UTP4: variants seen among roughly 807,000 people sequenced by gnomAD.
The protein encoded by UTP4 is U3 small nucleolar RNA-associated protein 4 homolog.
A neutral mutation model predicts 82.4 loss-of-function variants in UTP4; 45 were observed. The ratio of observed to expected loss-of-function variants is 0.55; its 90% confidence interval spans 0.43 to 0.70. The LOEUF (loss-of-function observed/expected upper bound fraction) is 0.70. Among genes scored for constraint, UTP4 ranks in the 30% least tolerant of loss-of-function variants. The pLI, the probability that UTP4 is intolerant of heterozygous loss-of-function variation, is 0.00. For synonymous variants in UTP4, 348 were observed against 300.3 expected (o/e 1.16, Z -1.64); for missense variants, 819 against 858.3 (o/e 0.95, Z 0.57).
Position 69,154,475 on chromosome 16 carries a change from G to T in UTP4, c.1164+18G>T. On this transcript the variant is annotated intron_variant, in intron 10 of 16. Transcript: ENST00000314423. ...AGACAAAGGTAAGGAAGTTTGTTTA[G>T]GCTCTGAATTCTAGAGCCTGAATTC... is the stretch of plus-strand genomic sequence containing the variant. 6.3e-7 allele frequency: 1 copy of T among 1,585,290 alleles called. No individual in the cohort carries two copies. The highest frequency in any genetic ancestry group is 8.7e-7 in the Non-Finnish European group (1 of 1,154,026).
In UTP4 at chr16:69,163,131, A is replaced by G. The variant is rs193164904; in HGVS notation, c.1600A>G (p.Ile534Val). The change falls in exon 14 of 17, where the codon ATT becomes GTT. Residue 534 changes from isoleucine (I) to valine (V), a missense_variant. Ile to Val is a conservative substitution (Grantham distance 29, BLOSUM62 3). Coordinates refer to ENST00000314423, the MANE Select transcript of UTP4 (RefSeq NM_032830.3). Reference sequence around the variant, plus strand: ...CAATTTCCCAGTGACTGCTATGGCTATTGCCCCCAATACCAACAACCTTGT... The same window carrying G: ...CAATTTCCCAGTGACTGCTATGGCTGTTGCCCCCAATACCAACAACCTTGT... ...AYNFPVTAMA[I>V]APNTNNLVIA... The G allele has an allele frequency of 5.8e-5, 93 of 1,614,108 alleles. No homozygotes were observed. In the East Asian group the frequency reaches 6.7e-4, roughly 12 times the overall value.
chr16:69,157,362 A>T, intron 12 of UTP4, 122 bp downstream of exon 12: 1 of 964,446 alleles, frequency 1.0e-6, no homozygotes, highest in Non-Finnish European at 1.6e-6. Context: ...ACACTCACTC[A>T]CATGTTTGCT....
chr16:69,152,619 G>A (rs527919375), intron 8 of UTP4, among the ~76,000 whole-genome samples: 3 of 151,574 alleles, frequency 2.0e-5, no homozygotes, highest in East Asian at 3.9e-4. Context: ...ACAGGCACCC[G>A]CCACCACGCC....
At chr16:69,163,261 T>C in intron 14 of UTP4, 83 bp downstream of exon 14, 4 of 1,111,052 alleles carry the variant, frequency 3.6e-6, no homozygotes, top group Non-Finnish European at 5.5e-6. Context: ...TGCGGGGAGC[T>C]TTTTTTTGAA....
At chr16:69,150,021 C>T (rs1412401291) in intron 6 of UTP4, among the ~76,000 whole-genome samples, 1 of 152,130 alleles carries the variant, frequency 6.6e-6, no homozygotes, top group African/African-American at 2.4e-5. Flanking sequence ...AGCCACCATG[C>T]CTGGCTGATG....
Position 69,163,146 on chromosome 16 carries a change from A to G in UTP4, c.1615A>G (p.Asn539Asp), listed in dbSNP as rs1175056350. 6.2e-7 allele frequency: 1 copy of G among 1,613,994 alleles called. No homozygotes were observed. Among genetic ancestry groups the G allele is most frequent in the African/African-American group, 1.3e-5 (1 of 74,930 alleles). ...TGCTATGGCTATTGCCCCCAATACC[A>G]ACAACCTTGTCATCGCTCATTCGGA... is the stretch of plus-strand genomic sequence containing the variant. Reference protein sequence around the residue: ...VTAMAIAPNTNNLVIAHSDQQ... With the variant: ...VTAMAIAPNTDNLVIAHSDQQ... Residue 539 changes from asparagine to aspartate, a missense_variant, in exon 14 of 17, where the codon AAC becomes GAC. Coordinates refer to ENST00000314423, the MANE Select transcript of UTP4 (RefSeq NM_032830.3).
chr16:69,164,586 TTATATATATA>T (rs58927210), intron 14 of UTP4, among the ~76,000 whole-genome samples: 6,566 of 132,498 alleles, frequency 0.05, 203 homozygotes, highest in South Asian at 0.082. Flanking sequence ...TAATCATTCT[TTATATATATA>T]TATATATATA....
At chr16:69,163,879 A>AGT (rs1567382138) in intron 14 of UTP4, among the ~76,000 whole-genome samples, 1 of 134,520 alleles carries the variant, frequency 7.4e-6, no homozygotes, top group African/African-American at 3.0e-5. Context: ...TTTGATGGTC[A>AGT]GTTTGTTTTT....
At chr16:69,137,101 C>T (rs900717298) in intron 3 of UTP4, among the ~76,000 whole-genome samples, 4 of 152,224 alleles carry the variant, frequency 2.6e-5, no homozygotes, top group Admixed American at 6.5e-5. Flanking sequence ...GAGAGGATTA[C>T]ATCAGTTCAA....
chr16:69,134,825 G>C (rs1220142756), intron 2 of UTP4, among the ~76,000 whole-genome samples: 1 of 150,814 alleles, frequency 6.6e-6, no homozygotes, highest in Non-Finnish European at 1.5e-5. Context: ...AAGTCGCTGG[G>C]ATTACAGGTG....
At chr16:69,159,485 C>G (rs1412588845) in intron 12 of UTP4, among the ~76,000 whole-genome samples, 2 of 152,010 alleles carry the variant, frequency 1.3e-5, no homozygotes, top group Non-Finnish European at 2.9e-5. Context: ...GTCAAGAGAT[C>G]GAGACCATGC....
At chr16:69,159,697 AAAG>A (rs1597150539) in intron 12 of UTP4, among the ~76,000 whole-genome samples, 5 of 151,832 alleles carry the variant, frequency 3.3e-5, no homozygotes, top group Admixed American at 3.3e-4. Flanking sequence ...AAAAAAGAAA[AAAG>A]AAAGAGGCCA....
chr16:69,153,815 C>A (rs1388986462), intron 9 of UTP4, 135 bp downstream of exon 9: 1 of 712,460 alleles, frequency 1.4e-6, no homozygotes, highest in East Asian at 2.7e-5. Context: ...TTTTCCCACC[C>A]ATTAGATAAA....
At chr16:69,157,352 ACACT>A in intron 12 of UTP4, 112 bp downstream of exon 12, 1 of 1,001,646 alleles carries the variant, frequency 1.0e-6, no homozygotes, top group Non-Finnish European at 1.5e-6. Flanking sequence ...CCCTGCAGAT[ACACT>A]CACTCACATG....
intron 6 of UTP4, among the ~76,000 whole-genome samples, chr16:69,147,333 G>C (rs1166119293): frequency 4.0e-5 from 6 of 151,288 alleles, no homozygotes; most frequent in African/African-American, 1.5e-4. Flanking sequence ...GTGAAACTCT[G>C]TCTCTACTAA....
At chr16:69,153,434 G>A (rs956369517) in intron 8 of UTP4, 150 bp from the exon 9 acceptor site, 4 of 688,640 alleles carry the variant, frequency 5.8e-6, no homozygotes, top group African/African-American at 5.3e-5. Context: ...TCTCAGGGCA[G>A]TGCCTGGCAT....
intron 3 of UTP4, 64 bp downstream of exon 3, chr16:69,136,951 C>A: frequency 7.3e-7 from 1 of 1,375,078 alleles, no homozygotes; most frequent in South Asian, 1.2e-5. Context: ...GACTTTCTTC[C>A]CTGTGCTCAT....
intron 15 of UTP4, 58 bp downstream of exon 15, chr16:69,165,584 A>C: frequency 1.4e-6 from 2 of 1,404,994 alleles, no homozygotes; most frequent in Non-Finnish European, 2.0e-6. Context: ...TTCTAAAAGC[A>C]ACAAGTACAA....
chr16:69,159,939 T>A (rs1202119727), intron 12 of UTP4, among the ~76,000 whole-genome samples: 1 of 147,696 alleles, frequency 6.8e-6, no homozygotes, highest in East Asian at 2.0e-4. Context: ...AGTGAGCGGA[T>A]CCGCCACTGC....
Sources: gnomAD v4.1 joint callset for allele counts (sites outside exome capture counted in the v4.1 genomes callset) on GRCh38, gnomAD v4.1.1 for gene constraint, MANE v1.5 for transcripts, NCBI Gene and HGNC (gene_info 2026-07-23, HGNC 2026-07-21) for gene names.